The following SEPTIN11 variants were observed in gnomAD, a reference collection of about 807,000 sequenced individuals.
SEPTIN11 encodes septin-11.
Under a neutral mutation model 51.4 loss-of-function variants are expected in SEPTIN11, and 25 were observed. The observed-to-expected ratio is 0.49, with a 90% CI of 0.35 to 0.68. The LOEUF (loss-of-function observed/expected upper bound fraction) is 0.68. SEPTIN11 is among the 30% of genes least tolerant of loss of function. The pLI, the probability that SEPTIN11 is intolerant of heterozygous loss-of-function variation, is 0.00. For synonymous variants in SEPTIN11, 174 were observed against 184.1 expected, an observed-to-expected ratio of 0.95 and a Z score of 0.44; for missense variants, 381 against 520.8, an observed-to-expected ratio of 0.73 and a Z score of 2.61.
intron 1 of SEPTIN11, among the ~76,000 whole-genome samples, chr4:76,950,134 A>G (rs1270406319): frequency 6.6e-6 from 1 of 152,128 alleles, no homozygotes; most frequent in Non-Finnish European, 1.5e-5. Context: ...GCAACAGTGG[A>G]TCGCCTCGTC....
intron 2 of SEPTIN11, among the ~76,000 whole-genome samples, chr4:77,002,651 C>T (rs1449356146): frequency 1.3e-5 from 2 of 152,158 alleles, no homozygotes; most frequent in Admixed American, 1.3e-4. Flanking sequence ...ATCCACTACA[C>T]AGTAACTTTG....
intron 1 of SEPTIN11, among the ~76,000 whole-genome samples, chr4:76,980,223 GA>G (rs1461014517): frequency 2.0e-5 from 3 of 152,078 alleles, no homozygotes; most frequent in Non-Finnish European, 4.4e-5. Context: ...TTTCCACCTT[GA>G]TCCCAGAATA....
At position 77,016,629 on chromosome 4, in the gene SEPTIN11, T is replaced by TAC. The variant is rs1553975018; in HGVS notation, c.687+1616_687+1617dup. ...ATATATATACACATATATATATATA[T>TAC]ACACATATATATATATATATATATA... On this transcript the variant is annotated intron_variant, in intron 5 of 9. Coordinates refer to ENST00000264893, the MANE Select transcript of SEPTIN11 (RefSeq NM_018243.4). Among the ~76,000 whole-genome samples the TAC allele has an allele frequency of 3.9e-3, 288 of 73,996 alleles. 12 individuals are homozygous for TAC. Among genetic ancestry groups the TAC allele is most frequent in the South Asian group, 0.019 (46 of 2,434 alleles). The allele number at this position is 73,996 out of a possible 152,430, so 48.5% of individuals were successfully genotyped here. A position where few individuals can be genotyped will look rare whatever the true frequency, so the allele number is the denominator to read the frequency against.
intron 1 of SEPTIN11, among the ~76,000 whole-genome samples, chr4:76,990,659 G>A (rs186839991): frequency 3.7e-4 from 57 of 152,292 alleles, no homozygotes; most frequent in African/African-American, 1.3e-3. Flanking sequence ...GAGGTAGAGC[G>A]GTTTCATCCC....
intron 9 of SEPTIN11, among the ~76,000 whole-genome samples, chr4:77,034,230 A>T (rs890822649): frequency 3.3e-5 from 5 of 152,228 alleles, no homozygotes; most frequent in Admixed American, 2.6e-4. Context: ...CTCCCACTAG[A>T]CATGCAGTGG....
chr4:77,011,768 G>C lies in SEPTIN11; in HGVS notation c.372G>C (p.Gln124His). ...CGATAGTAGAATATATTGATGCCCA[G>C]TTCGAGGCCTACCTGCAAGAGGAAT... ...YKPIVEYIDA[Q>H]FEAYLQEELK... is the part of the protein sequence containing the mutation. Residue 124 changes from glutamine (Q) to histidine (H), a missense_variant, in exon 4 of 10, where the codon CAG becomes CAC. Gln to His is a conservative substitution (Grantham distance 24). Coordinates refer to ENST00000264893, the MANE Select transcript of SEPTIN11 (RefSeq NM_018243.4). 2 of 1,614,134 alleles carry C rather than the reference G, an allele frequency of 1.2e-6. No homozygotes were observed. The highest frequency in any genetic ancestry group is 1.7e-6 in the Non-Finnish European group (2 of 1,179,994).
chr4:77,021,836 C>T (rs1265460290), intron 7 of SEPTIN11, among the ~76,000 whole-genome samples: 2 of 152,152 alleles, frequency 1.3e-5, no homozygotes, highest in South Asian at 2.1e-4. Context: ...TTAGGAATGC[C>T]TGGGCTTGTC....
chr4:77,016,643 TATATATATATATACAC>T (rs1167565340), intron 5 of SEPTIN11, among the ~76,000 whole-genome samples: 3 of 125,892 alleles, frequency 2.4e-5, no homozygotes, highest in East Asian at 4.4e-4. Context: ...CATATATATA[TATATATATATATACAC>T]ATATATATAT....
chr4:77,002,406 ATTC>A (rs1366128355), intron 2 of SEPTIN11, among the ~76,000 whole-genome samples: 2 of 152,348 alleles, frequency 1.3e-5, no homozygotes, highest in East Asian at 3.9e-4. Context: ...CTTTATTGCT[ATTC>A]TTAGGGAAGA....
At chr4:77,004,165 T>G (rs143499877) in intron 2 of SEPTIN11, among the ~76,000 whole-genome samples, 1,714 of 152,326 alleles carry the variant, frequency 0.011, 7 homozygotes, top group Middle Eastern at 0.037. Flanking sequence ...AGGGTTGGGC[T>G]GCAGTTCTTC....
At chr4:77,008,823 G>T (rs974005665) in intron 3 of SEPTIN11, among the ~76,000 whole-genome samples, 15 of 152,292 alleles carry the variant, frequency 9.8e-5, no homozygotes, top group African/African-American at 3.6e-4. Context: ...TCCTCTGATT[G>T]ATATGGCCAC....
At position 77,038,439 on chromosome 4, in the gene SEPTIN11, A is replaced by G. The variant is rs1343176495; in HGVS notation, c.*3927A>G. On this transcript the variant is annotated 3_prime_UTR_variant, in exon 10 of 10. Transcript: ENST00000264893. ...TTAGACATTTGTCTTTTTTAAACTAAAGTAATTGTATTGATGTGAAGCATA... is the reference window on the plus strand; with the variant it reads ...TTAGACATTTGTCTTTTTTAAACTAGAGTAATTGTATTGATGTGAAGCATA... 4.1e-6 allele frequency: 4 copies of G among 985,650 alleles called. No individual in the cohort carries two copies. The highest frequency in any genetic ancestry group is 4.8e-6 in the Non-Finnish European group (4 of 829,774). 61.1% of individuals were successfully genotyped at this position (985,650 alleles called of 1,614,324 possible). A position where few individuals can be genotyped will look rare whatever the true frequency, so the allele number is the denominator to read the frequency against.
chr4:76,964,862 A>G (rs1036739438), intron 1 of SEPTIN11, among the ~76,000 whole-genome samples: 3 of 152,224 alleles, frequency 2.0e-5, no homozygotes, highest in African/African-American at 7.2e-5. Context: ...TAAAAGGTCA[A>G]AAGAAAGCTG....
intron 1 of SEPTIN11, among the ~76,000 whole-genome samples, chr4:76,966,296 C>T (rs1262182632): frequency 1.3e-5 from 2 of 152,176 alleles, no homozygotes; most frequent in East Asian, 3.8e-4. Flanking sequence ...GTTGAATCCA[C>T]AGTAGGGCTA....
intron 8 of SEPTIN11, among the ~76,000 whole-genome samples, chr4:77,029,657 A>G (rs1026959068): frequency 1.3e-5 from 2 of 151,092 alleles, no homozygotes; most frequent in African/African-American, 4.9e-5. Context: ...TTTCTTTTTC[A>G]TTTTCTTTCT....
intron 5 of SEPTIN11, among the ~76,000 whole-genome samples, chr4:77,015,954 C>A (rs1725193111): frequency 6.6e-6 from 1 of 152,124 alleles, no homozygotes; most frequent in African/African-American, 2.4e-5. Context: ...GGAAGATACA[C>A]CTTACTTCTT....
rs1002402648 is a variant in SEPTIN11 at position 77,024,662 on chromosome 4, C to T, written c.954-3967C>T. 4.6e-5 allele frequency among the ~76,000 whole-genome samples: 7 copies of T among 152,172 alleles called. No individual in the cohort carries two copies. The East Asian group carries it at 5.8e-4, about 13-fold the overall frequency. ...TTACCACCATTTTCTCAGAGGCCAA[C>T]GAGGTCCAGGCCCCAGAGACTCACT... On this transcript the variant is annotated intron_variant, in intron 7 of 9. Transcript: ENST00000264893. The surrounding 1 kb of genome is among the most constrained non-coding windows in gnomAD (Gnocchi z 4.2).
intron 2 of SEPTIN11, among the ~76,000 whole-genome samples, chr4:76,997,531 G>C (rs918129049): frequency 1.3e-5 from 2 of 152,048 alleles, no homozygotes; most frequent in African/African-American, 4.8e-5. Context: ...CTCTGTGCTG[G>C]GCATTCATTA....
chr4:76,991,997 AT>A (rs769368475), intron 1 of SEPTIN11, among the ~76,000 whole-genome samples: 3 of 152,256 alleles, frequency 2.0e-5, no homozygotes, highest in Non-Finnish European at 2.9e-5. Context: ...GTCATAATCC[AT>A]TTCAAGATGG....
Sources: allele counts gnomAD v4.1 joint callset (sites outside exome capture counted in the v4.1 genomes callset), GRCh38; gene constraint gnomAD v4.1.1; non-coding constraint Gnocchi (gnomAD v3.1); transcripts MANE v1.5; gene names NCBI Gene and HGNC (gene_info 2026-07-23, HGNC 2026-07-21).